The following ROBO1 variants were observed in gnomAD, a reference collection of about 807,000 sequenced individuals.
The protein encoded by ROBO1 is roundabout homolog 1.
ROBO1 carries 149 observed loss-of-function variants against 195.9 expected under a neutral mutation model. The ratio of observed to expected loss-of-function variants is 0.76; its 90% CI spans 0.67 to 0.87. ROBO1 has a LOEUF of 0.87. ROBO1 is among the 40% of genes least tolerant of loss of function. The pLI, the probability that ROBO1 is intolerant of heterozygous loss-of-function variation, is 0.00. For synonymous variants in ROBO1, 816 were observed against 733.2 expected, an observed-to-expected ratio of 1.11 and a Z score of -1.82; for missense variants, 1,933 against 2,068.3, an observed-to-expected ratio of 0.93 and a Z score of 1.27.
At chr3:78,712,319 T>C (rs866681854) in intron 8 of ROBO1, among the ~76,000 whole-genome samples, 3 of 152,166 alleles carry the variant, frequency 2.0e-5, no homozygotes, top group African/African-American at 7.2e-5. Flanking sequence ...TTTTTAACAA[T>C]ACAATTACAC....
chr3:78,708,661 A>C (rs938989780), intron 8 of ROBO1, among the ~76,000 whole-genome samples: 41 of 152,316 alleles, frequency 2.7e-4, no homozygotes, highest in African/African-American at 9.6e-4. Flanking sequence ...GGAGGCATAA[A>C]TTTTAGCAGT....
rs117184484 is a variant in ROBO1, at chr3:78,838,763, A to G, written c.500-91863T>C. 1.1e-3 allele frequency among the ~76,000 whole-genome samples: 175 copies of G among 152,240 alleles called. 2 individuals carry two copies. In the East Asian group the frequency reaches 0.032, roughly 28 times the overall value. On this transcript the variant is annotated intron_variant, in intron 4 of 30. Transcript: ENST00000464233. ...ATTAGCCTTGGGGGACAATCATTCA[A>G]ACTTTTGCAGCCTATCACTATTTTC...
chr3:79,219,706 T>C (rs2082105932), intron 2 of ROBO1, among the ~76,000 whole-genome samples: 1 of 152,060 alleles, frequency 6.6e-6, no homozygotes. Context: ...CTGATTCTTA[T>C]GGGAATGACC....
intron 2 of ROBO1, among the ~76,000 whole-genome samples, chr3:79,501,977 A>T (rs2107502914): frequency 6.6e-6 from 1 of 152,336 alleles, no homozygotes; most frequent in African/African-American, 2.4e-5. Flanking sequence ...TCGTTTGAGT[A>T]AGATAGCTCT....
rs370726850 is a variant in ROBO1 at position 78,618,040 on chromosome 3, G to C, written c.3877C>G (p.Arg1293Gly). Residue 1293 changes from arginine to glycine, a missense_variant and splice_region_variant, in exon 27 of 31, where the codon CGG becomes GGG. Physicochemically the swap from Arg to Gly is moderately radical, Grantham distance 125. Coordinates refer to ENST00000464233, the MANE Select transcript of ROBO1 (RefSeq NM_002941.4). ...GHMQHQPDRR[R>G]QPVSPPPPPR... is the part of the protein sequence containing the mutation. ...GGTGGAGGAGGACTCACAGGCTGCC[G>C]TCTGTATGAAGATGAATAAATAGGT... The C allele has an allele frequency of 6.2e-7, 1 of 1,609,278 alleles. No homozygotes were observed. The highest frequency in any genetic ancestry group is 8.5e-7 in the Non-Finnish European group (1 of 1,177,688).
At chr3:78,957,241 A>G (rs996169197) in intron 3 of ROBO1, among the ~76,000 whole-genome samples, 1 of 151,668 alleles carries the variant, frequency 6.6e-6, no homozygotes, top group African/African-American at 2.4e-5. Context: ...CACTCGAAAT[A>G]TATGTACTAA....
chr3:79,275,626 G>A (rs533595756), intron 2 of ROBO1, among the ~76,000 whole-genome samples: 3 of 151,990 alleles, frequency 2.0e-5, no homozygotes, highest in Admixed American at 2.0e-4. Context: ...AGAAGTCTTG[G>A]TTGGAGCAAT....
At chr3:79,524,952 C>CAT (rs200422721) in intron 2 of ROBO1, among the ~76,000 whole-genome samples, 4 of 151,610 alleles carry the variant, frequency 2.6e-5, no homozygotes, top group African/African-American at 7.3e-5. Context: ...CATACATATA[C>CAT]ATATATATAG....
chr3:78,904,763 T>C (rs2037803689), intron 4 of ROBO1, among the ~76,000 whole-genome samples: 1 of 150,914 alleles, frequency 6.6e-6, no homozygotes, highest in African/African-American at 2.4e-5. Flanking sequence ...TGTGTGTATA[T>C]ATATGTATAG....
chr3:79,646,337 T>G (rs563626821), intron 1 of ROBO1, among the ~76,000 whole-genome samples: 1 of 151,966 alleles, frequency 6.6e-6, no homozygotes, highest in African/African-American at 2.4e-5. Flanking sequence ...GTCAGAGAAA[T>G]GCAAATCAAA....
At chr3:78,802,724 AT>A (rs2084406845) in intron 4 of ROBO1, among the ~76,000 whole-genome samples, 1 of 151,846 alleles carries the variant, frequency 6.6e-6, no homozygotes, top group Non-Finnish European at 1.5e-5. Flanking sequence ...CATCATCATC[AT>A]CATCATCATC....
At chr3:79,081,053 T>C (rs1005923537) in intron 3 of ROBO1, among the ~76,000 whole-genome samples, 5 of 152,080 alleles carry the variant, frequency 3.3e-5, no homozygotes, top group Non-Finnish European at 5.9e-5. Flanking sequence ...AAAATTTCCA[T>C]AGAAGAAAAT....
chr3:79,337,820 G>A (rs1015462172), intron 2 of ROBO1, among the ~76,000 whole-genome samples: 2 of 151,990 alleles, frequency 1.3e-5, no homozygotes, highest in South Asian at 2.1e-4. Flanking sequence ...AATAAAGGAA[G>A]GTTAACATAG....
At chr3:78,705,902 AC>A (rs1035698776) in intron 8 of ROBO1, among the ~76,000 whole-genome samples, 69 of 151,794 alleles carry the variant, frequency 4.5e-4, no homozygotes, top group African/African-American at 1.5e-3. Flanking sequence ...GGAATTCTTG[AC>A]CCCCCCATAC....
chr3:79,534,148 C>CAAAAAAAAAAAAAAAAAAA (rs5850434), intron 2 of ROBO1, among the ~76,000 whole-genome samples: 1 of 59,948 alleles, frequency 1.7e-5, no homozygotes, highest in African/African-American at 6.3e-5. Context: ...CTGGGGAAGG[C>CAAAAAAAAAAAAAAAAAAA]AAAAAAAAAA....
chr3:79,123,441 T>C (rs1184401536), intron 3 of ROBO1, among the ~76,000 whole-genome samples: 1 of 152,008 alleles, frequency 6.6e-6, no homozygotes, highest in Non-Finnish European at 1.5e-5. Context: ...TTTACAGTTG[T>C]CATGATGCAG....
At chr3:78,927,001 C>T (rs2039259447) in intron 4 of ROBO1, among the ~76,000 whole-genome samples, 1 of 151,876 alleles carries the variant, frequency 6.6e-6, no homozygotes, top group Non-Finnish European at 1.5e-5. Flanking sequence ...AAAAAAAGGT[C>T]AACTATGTCA....
intron 21 of ROBO1, among the ~76,000 whole-genome samples, chr3:78,642,649 A>C (rs1251894560): frequency 6.6e-6 from 1 of 152,184 alleles, no homozygotes; most frequent in Non-Finnish European, 1.5e-5. Flanking sequence ...TTTTTTGGAC[A>C]CATTGCCTGG....
At chr3:79,715,184 A>C (rs1186786925) in intron 1 of ROBO1, among the ~76,000 whole-genome samples, 2 of 152,144 alleles carry the variant, frequency 1.3e-5, no homozygotes, top group Non-Finnish European at 2.9e-5. Flanking sequence ...AGGATTTAAA[A>C]TATTACATGA....
Sources: allele counts gnomAD v4.1 joint callset (sites outside exome capture counted in the v4.1 genomes callset), GRCh38; gene constraint gnomAD v4.1.1; transcripts MANE v1.5; gene names NCBI Gene and HGNC (gene_info 2026-07-23, HGNC 2026-07-21).